ADGRV1: variants seen among roughly 807,000 people sequenced by gnomAD.
ADGRV1 encodes the protein adhesion G protein-coupled receptor V1, also known as G-protein coupled receptor 98.
A neutral mutation model predicts 596.2 loss-of-function variants in ADGRV1; 359 were observed. That is an observed-to-expected ratio of 0.60 (90% CI 0.55 to 0.66). ADGRV1 has a LOEUF of 0.66. Among genes scored for constraint, ADGRV1 ranks in the 30% least tolerant of loss-of-function variants. The probability of loss-of-function intolerance (pLI) is 0.00; values close to 1 mark genes in which losing one functional copy is unlikely to be tolerated. For missense variants in ADGRV1, 7,274 were observed against 7,575.6 expected (o/e 0.96, Z 1.48); for synonymous variants, 2,681 against 2,679.2 (o/e 1.00, Z -0.02).
intron 89 of ADGRV1, among the ~76,000 whole-genome samples, chr5:91,158,592 A>G (rs1796665703): frequency 6.6e-6 from 1 of 152,174 alleles, no homozygotes; most frequent in Non-Finnish European, 1.5e-5. Flanking sequence ...GTCAGAGAGT[A>G]TGTAATAATC....
chr5:90,778,340 CA>C (rs1758473627), intron 62 of ADGRV1, 86 bp from the exon 63 acceptor site: 5 of 1,169,042 alleles, frequency 4.3e-6, no homozygotes, highest in Admixed American at 2.1e-5. Flanking sequence ...ATTAATATTA[CA>C]AAATCTGTTG....
At chr5:91,026,591 T>C (rs1389784183) in intron 85 of ADGRV1, among the ~76,000 whole-genome samples, 1 of 152,166 alleles carries the variant, frequency 6.6e-6, no homozygotes, top group East Asian at 1.9e-4. Context: ...AAGTGGAAGC[T>C]CTTAGGGAGG....
chr5:90,962,219 C>T (rs527555017), intron 83 of ADGRV1, among the ~76,000 whole-genome samples: 2 of 152,228 alleles, frequency 1.3e-5, no homozygotes, highest in African/African-American at 4.8e-5. Flanking sequence ...CACAAAAGAA[C>T]GAGGGAAAAC....
intron 16 of ADGRV1, among the ~76,000 whole-genome samples, chr5:90,646,430 T>G (rs1180873494): frequency 6.6e-6 from 1 of 152,050 alleles, no homozygotes. Flanking sequence ...CAGAAAACAC[T>G]TCTCCATGTG....
intron 21 of ADGRV1, among the ~76,000 whole-genome samples, chr5:90,666,017 G>A (rs1275319957): frequency 6.6e-6 from 1 of 151,450 alleles, no homozygotes. Flanking sequence ...ATTTGCTGAG[G>A]AGAGCTTTAC....
At chr5:91,066,098 C>T (rs982677364) in intron 85 of ADGRV1, among the ~76,000 whole-genome samples, 1 of 152,236 alleles carries the variant, frequency 6.6e-6, no homozygotes, top group Non-Finnish European at 1.5e-5. Context: ...AGCAAATCCA[C>T]ATGGCCGTTG....
chr5:90,844,450 A>G (rs1765687813), intron 78 of ADGRV1, among the ~76,000 whole-genome samples: 1 of 152,194 alleles, frequency 6.6e-6, no homozygotes, highest in South Asian at 2.1e-4. Flanking sequence ...GCCTCACTAT[A>G]AAGACTTTCT....
At chr5:90,996,375 G>C (rs576787645) in intron 85 of ADGRV1, among the ~76,000 whole-genome samples, 2 of 152,194 alleles carry the variant, frequency 1.3e-5, no homozygotes, top group African/African-American at 2.4e-5. Context: ...CACCGCTCCA[G>C]GGGGTGCAAG....
At chr5:90,821,495 C>T (rs1581230322) in intron 75 of ADGRV1, among the ~76,000 whole-genome samples, 3 of 151,204 alleles carry the variant, frequency 2.0e-5, no homozygotes, top group Admixed American at 6.6e-5. Context: ...AGGCGCTCTG[C>T]GTTTTAGAGT....
In ADGRV1 at chr5:90,805,428, A is replaced by G. The variant is rs1013889522; in HGVS notation, c.14806A>G (p.Ile4936Val). ...TCCTGGGTTAGAAATTCCTGAATTC[A>G]TTGTTGTTGGCAACATGACCCCAAC... ...YAPGLEIPEF[I>V]VVGNMTPTLG... The change falls in exon 72 of 90, where the codon ATT becomes GTT. Residue 4936 changes from isoleucine to valine, a missense_variant. By Grantham distance (29) the Ile-to-Val change is conservative. Around this residue, in one of 5 missense-constraint regions of ADGRV1, gnomAD observed 1,874 missense variants for 1,970.2 expected, o/e 0.95. Coordinates refer to ENST00000405460, the MANE Select transcript of ADGRV1 (RefSeq NM_032119.4). The G allele has an allele frequency of 1.3e-5, 21 of 1,594,044 alleles. No homozygotes were observed. The highest frequency in any genetic ancestry group is 6.9e-6 in the Non-Finnish European group (8 of 1,163,896).
At chr5:91,145,991 T>A (rs1034857106) in intron 87 of ADGRV1, among the ~76,000 whole-genome samples, 1 of 152,198 alleles carries the variant, frequency 6.6e-6, no homozygotes, top group Non-Finnish European at 1.5e-5. Flanking sequence ...AGAGGTAAGT[T>A]TCAGGCCCAC....
intron 59 of ADGRV1, 59 bp from the exon 60 acceptor site, chr5:90,774,127 C>A: frequency 1.2e-6 from 1 of 842,442 alleles, no homozygotes; most frequent in Non-Finnish European, 1.9e-6. Flanking sequence ...CTAATGACAA[C>A]ATTCAAACTT....
At chr5:90,626,320 A>G (rs1189161835) in intron 6 of ADGRV1, 2 of 152,204 alleles carry the variant, frequency 1.3e-5, no homozygotes, top group African/African-American at 2.4e-5. Flanking sequence ...AAGCAAGCAA[A>G]AAAACCTTTT....
chr5:90,856,611 C>G (rs1046842186), intron 82 of ADGRV1, among the ~76,000 whole-genome samples: 1 of 152,146 alleles, frequency 6.6e-6, no homozygotes, highest in Non-Finnish European at 1.5e-5. Flanking sequence ...TTCAGCCCCA[C>G]AACTTTTTCT....
Position 90,790,951 on chromosome 5 carries a change from GGA to G in ADGRV1, c.14128_14129del (p.Ser4710Ter), listed in dbSNP as rs755839828. ...STSGFFTIAD[G>X]ESEASFDVHL... ...CAGTGGATTTTTCACCATTGCTGAT[GGA>G]GAGAGTGAAGCTAGCTTTGATGTTC... On this transcript the variant is annotated frameshift_variant, in exon 70 of 90. Transcript: ENST00000405460. LOFTEE classifies it high-confidence loss of function. 6.2e-7 allele frequency: 1 copy of G among 1,612,902 alleles called. No homozygotes were observed. The highest frequency in any genetic ancestry group is 8.5e-7 in the Non-Finnish European group (1 of 1,179,844).
intron 59 of ADGRV1, among the ~76,000 whole-genome samples, chr5:90,766,776 T>G (rs149848824): frequency 5.1e-4 from 77 of 152,302 alleles, no homozygotes; most frequent in Non-Finnish European, 8.4e-4. Flanking sequence ...ATCTGTTTCT[T>G]TATGTCTTCA....
At chr5:90,917,764 T>G (rs1773511719) in intron 83 of ADGRV1, among the ~76,000 whole-genome samples, 1 of 152,190 alleles carries the variant, frequency 6.6e-6, no homozygotes, top group Non-Finnish European at 1.5e-5. Context: ...TTGTCACAAA[T>G]ACCAAGAAAT....
At chr5:91,058,431 C>T (rs1166324768) in intron 85 of ADGRV1, among the ~76,000 whole-genome samples, 2 of 151,706 alleles carry the variant, frequency 1.3e-5, no homozygotes, top group African/African-American at 4.8e-5. Flanking sequence ...TAGAAACCCT[C>T]CCTCTTCCAT....
At chr5:90,632,671 A>G (rs570613649) in intron 9 of ADGRV1, among the ~76,000 whole-genome samples, 8 of 152,350 alleles carry the variant, frequency 5.3e-5, no homozygotes, top group Non-Finnish European at 1.0e-4. Context: ...ATTTTTGATG[A>G]CACTTGAAAG....
Sources: allele counts gnomAD v4.1 joint callset (sites outside exome capture counted in the v4.1 genomes callset), GRCh38; gene constraint gnomAD v4.1.1; regional missense constraint gnomAD v4.1.1; transcripts MANE v1.5; gene names NCBI Gene and HGNC (gene_info 2026-07-23, HGNC 2026-07-21).